The following ZNF221 variants were observed in gnomAD, a reference collection of about 807,000 sequenced individuals.
ZNF221 encodes zinc finger protein 221.
Under a neutral mutation model 12.6 loss-of-function variants are expected in ZNF221, and 10 were observed. That is an observed-to-expected ratio of 0.79 (90% CI 0.49 to 1.34). The LOEUF (loss-of-function observed/expected upper bound fraction) is 1.34. Among genes scored for constraint, ZNF221 ranks in the 40% most tolerant of loss-of-function variants. The pLI, the probability that ZNF221 is intolerant of heterozygous loss-of-function variation, is 0.00. For missense variants in ZNF221, 661 were observed against 721.4 expected (o/e 0.92, Z 0.96); for synonymous variants, 232 against 244.0 (o/e 0.95, Z 0.46).
At chr19:43,969,438 T>C (rs1975051011), downstream of ZNF221, among the ~76,000 whole-genome samples, 1 of 147,584 alleles carries the variant, frequency 6.8e-6, no homozygotes, top group Admixed American at 6.9e-5. Flanking sequence ...AACCTCCACC[T>C]CTTGGGTTCA....
chr19:43,957,467 C>G lies in ZNF221; in HGVS notation c.-2-5258C>G, dbSNP rs569078760. Among the ~76,000 whole-genome samples the G allele has an allele frequency of 2.0e-5, 3 of 152,262 alleles. No individual in the cohort carries two copies. In the South Asian group the frequency reaches 6.2e-4, roughly 32 times the overall value. On this transcript the variant is annotated intron_variant, in intron 1 of 4. Transcript: ENST00000587682. ...GTATTACAGGCATGAGCCACCATAA[C>G]CCGCCTGGAGAAACCTTTATACCTA...
chr19:43,971,327 C>T (rs1975092031), downstream of ZNF221, among the ~76,000 whole-genome samples: 2 of 152,110 alleles, frequency 1.3e-5, no homozygotes, highest in Admixed American at 6.5e-5. Context: ...AGACCAATGA[C>T]ACTATAAAGC....
At chr19:43,978,941 T>G in the ZNF221 span, among the ~76,000 whole-genome samples, 63,096 of 116,926 alleles carry the variant, frequency 0.54, 14,821 homozygotes, top group South Asian at 0.64. Flanking sequence ...GTGTTTTTTT[T>G]TTTTTTTTTT....
intron 4 of ZNF221, 70 bp downstream of exon 4, chr19:43,965,395 TTC>T: frequency 7.3e-7 from 1 of 1,378,080 alleles, no homozygotes; most frequent in Non-Finnish European, 9.9e-7. Context: ...CCATGCCTAT[TTC>T]CATCACCCTG....
At position 43,965,260 on chromosome 19, in the gene ZNF221, T is replaced by G. The variant is rs1028616256; in HGVS notation, c.236T>G (p.Phe79Cys). ...AATCAACCATTCCACCAAGATACTTTCCACTTCTTAGGGAAGGAAAAGTTT... is the reference window on the plus strand; with the variant it reads ...AATCAACCATTCCACCAAGATACTTGCCACTTCTTAGGGAAGGAAAAGTTT... ...VGNQPFHQDT[F>C]HFLGKEKFWK... The change falls in exon 4 of 5, where the codon TTC (phenylalanine) becomes TGC (cysteine). Residue 79 changes from phenylalanine to cysteine, a missense_variant. Coordinates refer to ENST00000587682, the MANE Select transcript of ZNF221 (RefSeq NM_001297588.2). 6.2e-7 allele frequency: 1 copy of G among 1,613,308 alleles called. No individual in the cohort carries two copies. Among genetic ancestry groups the G allele is most frequent in the African/African-American group, 1.3e-5 (1 of 74,894 alleles).
At chr19:43,972,935 C>A in the ZNF221 span, among the ~76,000 whole-genome samples, 1 of 151,920 alleles carries the variant, frequency 6.6e-6, no homozygotes, top group Admixed American at 6.6e-5. Context: ...CAAAATCTGG[C>A]AGAGATAAAA....
chr19:43,960,936 C>G lies in ZNF221; in HGVS notation c.-2-1789C>G, dbSNP rs760178087. ...GCAGTGCCAAGGAGAAATGTGAGGG[C>G]TCCCCACAGAGTCCCCACTAGGGCA... On this transcript the variant is annotated intron_variant, in intron 1 of 4. Transcript: ENST00000587682. 5.3e-5 allele frequency among the ~76,000 whole-genome samples: 8 copies of G among 152,210 alleles called. 1 individual carries two copies. The highest frequency in any genetic ancestry group is 8.8e-5 in the Non-Finnish European group (6 of 68,034).
At position 43,966,499 on chromosome 19, in the gene ZNF221, A is replaced by G; in HGVS notation, c.997A>G (p.Thr333Ala). ...SRLNRHSMVH[T>A]GEKPFRCDTC... ...ACTTAATAGGCATTCCATGGTTCACACAGGAGAAAAACCATTCAGATGTGA... is the reference window on the plus strand; with the variant it reads ...ACTTAATAGGCATTCCATGGTTCACGCAGGAGAAAAACCATTCAGATGTGA... The change falls in exon 5 of 5, where the codon ACA (threonine) becomes GCA (alanine). Residue 333 changes from threonine to alanine, a missense_variant. By Grantham distance (58) the Thr-to-Ala change is moderately conservative. Coordinates refer to ENST00000587682, the MANE Select transcript of ZNF221 (RefSeq NM_001297588.2). 6.2e-7 allele frequency: 1 copy of G among 1,614,190 alleles called. No homozygotes were observed. Among genetic ancestry groups the G allele is most frequent in the Non-Finnish European group, 8.5e-7 (1 of 1,180,018 alleles).
rs147634029 is a variant in ZNF221 at position 43,966,442 on chromosome 19, A to C, written c.940A>C (p.Ile314Leu). 114 of 1,614,072 alleles carry C rather than the reference A, an allele frequency of 7.1e-5. No homozygotes were observed. Among genetic ancestry groups the C allele is most frequent in the Non-Finnish European group, 9.2e-5 (109 of 1,180,040 alleles). Residue 314 changes from isoleucine (I) to leucine (L), a missense_variant, in exon 5 of 5, where the codon ATA becomes CTA. Coordinates refer to ENST00000587682, the MANE Select transcript of ZNF221 (RefSeq NM_001297588.2). The part of the protein sequence containing the change: ...HTGEKPFKCD[I>L]CGKSFRVRSR... ...TGGGGAGAAGCCATTCAAATGTGAT[A>C]TATGTGGTAAGAGCTTCCGTGTTAG...
downstream of ZNF221, among the ~76,000 whole-genome samples, chr19:43,968,827 G>A (rs891254088): frequency 1.6e-4 from 24 of 152,290 alleles, no homozygotes; most frequent in Admixed American, 7.2e-4. Context: ...GTGATTGTGC[G>A]ACCCTGCGCA....
At chr19:43,962,620 C>A in intron 1 of ZNF221, 105 bp from the exon 2 acceptor site, 2 of 1,114,092 alleles carry the variant, frequency 1.8e-6, no homozygotes, top group Non-Finnish European at 2.7e-6. Flanking sequence ...AGTAATGCTG[C>A]TATGAACATT....
the ZNF221 span, among the ~76,000 whole-genome samples, chr19:43,975,396 G>T: frequency 6.6e-6 from 1 of 152,208 alleles, no homozygotes; most frequent in African/African-American, 2.4e-5. Context: ...CCAGGACATG[G>T]ATGGAGCTAG....
intron 1 of ZNF221, among the ~76,000 whole-genome samples, chr19:43,953,502 A>G (rs180874043): frequency 5.9e-5 from 9 of 152,076 alleles, no homozygotes; most frequent in African/African-American, 2.2e-4. Flanking sequence ...GCCACTGGTG[A>G]TCAGCTTAAC....
At chr19:43,968,235 G>C (rs562568716), downstream of ZNF221, among the ~76,000 whole-genome samples, 1 of 152,236 alleles carries the variant, frequency 6.6e-6, no homozygotes, top group Admixed American at 6.5e-5. Flanking sequence ...TAGAACCACT[G>C]TAGCACAGAA....
Position 43,967,134 on chromosome 19 carries a change from C to A in ZNF221, c.1632C>A (p.Asn544Lys). Residue 544 changes from asparagine to lysine, a missense_variant, in exon 5 of 5, where the codon AAC becomes AAA. Asn to Lys is a moderately conservative substitution (Grantham distance 94). Transcript: ENST00000587682. ...YKCEQCEKGYNSKFNLDMHQR... is the reference protein window; with the variant it reads ...YKCEQCEKGYKSKFNLDMHQR... ...GTGAGCAGTGTGAGAAGGGGTACAA[C>A]AGTAAATTTAATCTTGACATGCACC... 1 of 1,593,012 alleles carries A rather than the reference C, an allele frequency of 6.3e-7. No individual in the cohort carries two copies. Among genetic ancestry groups the A allele is most frequent in the Non-Finnish European group, 8.6e-7 (1 of 1,167,430 alleles).
intron 1 of ZNF221, among the ~76,000 whole-genome samples, chr19:43,958,380 C>T (rs545534316): frequency 2.4e-4 from 37 of 152,268 alleles, no homozygotes; most frequent in Non-Finnish European, 3.7e-4. Flanking sequence ...TTCAGTCCCA[C>T]GTGGCTTGCA....
intron 2 of ZNF221, among the ~76,000 whole-genome samples, chr19:43,964,027 A>C (rs1022433761): frequency 6.6e-6 from 1 of 152,198 alleles, no homozygotes; most frequent in Admixed American, 6.5e-5. Flanking sequence ...AGGAGAATAA[A>C]GTCTATATAA....
intron 1 of ZNF221, among the ~76,000 whole-genome samples, chr19:43,951,755 A>C (rs1477819880): frequency 6.6e-6 from 1 of 151,438 alleles, no homozygotes; most frequent in Non-Finnish European, 1.5e-5. Context: ...TTTCCTGAGA[A>C]ATGGTCAGGT....
downstream of ZNF221, among the ~76,000 whole-genome samples, chr19:43,971,739 A>G (rs574926463): frequency 4.6e-5 from 7 of 152,358 alleles, no homozygotes; most frequent in South Asian, 1.4e-3. Context: ...CGCACCCAAT[A>G]GCAGAGGACC....
Sources: allele counts gnomAD v4.1 joint callset (sites outside exome capture counted in the v4.1 genomes callset), GRCh38; gene constraint gnomAD v4.1.1; transcripts MANE v1.5; gene names NCBI Gene and HGNC (gene_info 2026-07-23, HGNC 2026-07-21).